Variants in AP2B1 observed in about 807,000 individuals in gnomAD.
The protein encoded by AP2B1 is adaptor related protein complex 2 subunit beta 1.
In AP2B1, 23 loss-of-function variants were observed where a neutral mutation model predicts 102.0. The observed-to-expected ratio is 0.23, with a 90% CI of 0.16 to 0.32. The LOEUF (loss-of-function observed/expected upper bound fraction) is 0.32. AP2B1 is among the 10% of genes least tolerant of loss of function. The pLI is 1.00. For missense variants in AP2B1, 541 were observed against 1,157.4 expected (o/e 0.47, Z 7.73); for synonymous variants, 381 against 421.2 (o/e 0.90, Z 1.17).
Position 35,723,803 on chromosome 17 carries a change from C to A in AP2B1, c.*104C>A. ...TGCGTAGAATCTGAACACACTGAGG[C>A]CACCTAGCAAGGTAGTAACTAGTCT... is the stretch of plus-strand genomic sequence containing the variant. On this transcript the variant is annotated 3_prime_UTR_variant, in exon 22 of 22. Coordinates refer to ENST00000610402, the MANE Select transcript of AP2B1 (RefSeq NM_001030006.2). The A allele has an allele frequency of 7.2e-6, 6 of 835,030 alleles. No homozygotes were observed. Among genetic ancestry groups the A allele is most frequent in the South Asian group, 1.5e-5 (1 of 67,610 alleles). The allele number at this position is 835,030 out of a possible 1,614,324, so 51.7% of individuals were successfully genotyped here. A position where few individuals can be genotyped will look rare whatever the true frequency, so the allele number is the denominator to read the frequency against.
At chr17:35,591,415 C>T (rs893488926) in intron 1 of AP2B1, among the ~76,000 whole-genome samples, 4 of 152,078 alleles carry the variant, frequency 2.6e-5, no homozygotes, top group African/African-American at 9.7e-5. Context: ...TCAAGCCATC[C>T]GCACGCCTCG....
chr17:35,598,759 C>G (rs2073377147), intron 3 of AP2B1, among the ~76,000 whole-genome samples: 1 of 152,188 alleles, frequency 6.6e-6, no homozygotes, highest in Admixed American at 6.5e-5. Flanking sequence ...AGATGAAAAT[C>G]AATGTTAACC....
chr17:35,681,825 A>C (rs1158084213), intron 17 of AP2B1, among the ~76,000 whole-genome samples: 1 of 152,230 alleles, frequency 6.6e-6, no homozygotes, highest in African/African-American at 2.4e-5. Flanking sequence ...TTTCAGAGTT[A>C]TAGCACTAGC....
At chr17:35,703,065 G>A (rs2076268469) in intron 18 of AP2B1, among the ~76,000 whole-genome samples, 1 of 151,636 alleles carries the variant, frequency 6.6e-6, no homozygotes, top group Non-Finnish European at 1.5e-5. Flanking sequence ...GAGGTCAGGA[G>A]ATCGAGACCA....
intron 14 of AP2B1, chr17:35,660,106 C>T: frequency 1.0e-6 from 1 of 975,914 alleles, no homozygotes; most frequent in Non-Finnish European, 1.2e-6. Context: ...AATTATATAC[C>T]TTGAATCTCC....
At chr17:35,680,716 T>TC (rs1365696818) in intron 17 of AP2B1, among the ~76,000 whole-genome samples, 105 of 149,460 alleles carry the variant, frequency 7.0e-4, no homozygotes, top group African/African-American at 2.5e-3. Flanking sequence ...TTTTTTTTTT[T>TC]CAGACAGTCT....
chr17:35,660,831 C>T (rs1463733418), intron 14 of AP2B1, among the ~76,000 whole-genome samples: 1 of 152,250 alleles, frequency 6.6e-6, no homozygotes, highest in South Asian at 2.1e-4. Context: ...AAAGAGGGCT[C>T]CTCCTCTCCC....
chr17:35,635,032 C>T (rs1458502566), intron 9 of AP2B1, among the ~76,000 whole-genome samples: 1 of 152,060 alleles, frequency 6.6e-6, no homozygotes, highest in Non-Finnish European at 1.5e-5. Flanking sequence ...TACTTCTCTG[C>T]CATACTGCTG....
At chr17:35,630,918 CAGTTTG>C (rs1408880456) in intron 9 of AP2B1, among the ~76,000 whole-genome samples, 1 of 152,144 alleles carries the variant, frequency 6.6e-6, no homozygotes, top group African/African-American at 2.4e-5. Context: ...TGAAGGTTTT[CAGTTTG>C]ACAGAGTTGC....
intron 5 of AP2B1, among the ~76,000 whole-genome samples, chr17:35,619,862 G>A (rs747896396): frequency 4.2e-4 from 64 of 151,996 alleles, no homozygotes; most frequent in Non-Finnish European, 8.4e-4. Context: ...TTGGCTTACC[G>A]CAACCTCTGC....
intron 12 of AP2B1, among the ~76,000 whole-genome samples, chr17:35,648,983 C>T (rs1340492628): frequency 2.0e-5 from 3 of 152,088 alleles, no homozygotes; most frequent in Non-Finnish European, 2.9e-5. Flanking sequence ...AAAACAAGAC[C>T]ACCAAATTCA....
intron 13 of AP2B1, chr17:35,651,041 A>T: frequency 2.5e-6 from 1 of 397,776 alleles, no homozygotes; most frequent in South Asian, 4.4e-5. Context: ...CTAGGAGTAC[A>T]TTATGGCTTT....
chr17:35,687,949 A>C (rs2075969441), intron 18 of AP2B1, among the ~76,000 whole-genome samples: 1 of 152,260 alleles, frequency 6.6e-6, no homozygotes, highest in Admixed American at 6.5e-5. Context: ...AATTGGAGTT[A>C]ATACCCATTT....
At chr17:35,637,389 A>C (rs1479052420) in intron 10 of AP2B1, among the ~76,000 whole-genome samples, 3 of 152,008 alleles carry the variant, frequency 2.0e-5, no homozygotes, top group African/African-American at 4.8e-5. Context: ...TTCACTAGCC[A>C]GGCCAGTCTC....
intron 9 of AP2B1, among the ~76,000 whole-genome samples, chr17:35,629,659 G>A (rs545065006): frequency 8.5e-5 from 13 of 152,240 alleles, no homozygotes; most frequent in South Asian, 4.1e-4. Flanking sequence ...AGTGCAGCTC[G>A]TTTCTGTTTA....
Position 35,605,701 on chromosome 17 carries a change from T to C in AP2B1, c.144-4T>C. ...TCCTTTTCTCTTTTACCCTCTCTTC[T>C]CAGTTCTCTCTTTCCAGACGTAGTG... is the stretch of plus-strand genomic sequence containing the variant. On this transcript the variant is annotated splice_region_variant and splice_polypyrimidine_tract_variant and intron_variant, in intron 3 of 21. Transcript: ENST00000610402. The C allele has an allele frequency of 6.2e-7, 1 of 1,605,656 alleles. No homozygotes were observed. Among genetic ancestry groups the C allele is most frequent in the Non-Finnish European group, 8.5e-7 (1 of 1,174,996 alleles).
intron 3 of AP2B1, among the ~76,000 whole-genome samples, chr17:35,604,433 T>G (rs2142375074): frequency 6.6e-6 from 1 of 152,152 alleles, no homozygotes; most frequent in African/African-American, 2.4e-5. Flanking sequence ...TTTGTGTGTT[T>G]TTTTGAATGT....
Position 35,711,465 on chromosome 17 carries a change from CCCCCACCCCACT to C in AP2B1, c.2626+1150_2626+1161del, listed in dbSNP as rs776678277. On this transcript the variant is annotated intron_variant, in intron 20 of 21. Transcript: ENST00000610402. ...AAATAATGCCTTCTCATTCCAGCTT[CCCCCACCCCACT>C]CCCCGGCCCAAGATGGAGTCTCGCT... 2.1e-3 allele frequency among the ~76,000 whole-genome samples: 311 copies of C among 149,838 alleles called. 1 individual carries two copies. The highest frequency in any genetic ancestry group is 2.3e-3 in the Non-Finnish European group (157 of 67,074).
At chr17:35,700,315 G>A (rs1055046984) in intron 18 of AP2B1, among the ~76,000 whole-genome samples, 2 of 151,690 alleles carry the variant, frequency 1.3e-5, no homozygotes, top group African/African-American at 4.8e-5. Flanking sequence ...TAGGTTGTGT[G>A]GTACTTAAAA....
Sources: allele counts gnomAD v4.1 joint callset (sites outside exome capture counted in the v4.1 genomes callset), GRCh38; gene constraint gnomAD v4.1.1; transcripts MANE v1.5; gene names NCBI Gene and HGNC (gene_info 2026-07-23, HGNC 2026-07-21).